The following FRYL variants were observed in gnomAD, a reference collection of about 807,000 sequenced individuals.
The protein encoded by FRYL is protein furry homolog-like.
In FRYL, 150 loss-of-function variants were observed where a neutral mutation model predicts 351.2. The observed-to-expected ratio is 0.43, with a 90% CI of 0.37 to 0.49. FRYL has a LOEUF of 0.49. Among genes scored for constraint, FRYL ranks in the 20% least tolerant of loss-of-function variants. The pLI is 0.00. For synonymous variants in FRYL, 1,153 were observed against 1,257.1 expected (o/e 0.92, Z 1.75); for missense variants, 3,036 against 3,619.3 (o/e 0.84, Z 4.13).
At chr4:48,779,422 G>A (rs1337834381) in intron 1 of FRYL, among the ~76,000 whole-genome samples, 1 of 152,086 alleles carries the variant, frequency 6.6e-6, no homozygotes, top group African/African-American at 2.4e-5. Context: ...CGGGCACAGC[G>A]CCCGCACCCC....
Position 48,615,890 on chromosome 4 carries a change from A to T in FRYL, c.411+3384T>A, listed in dbSNP as rs556200794. On this transcript the variant is annotated intron_variant, in intron 7 of 63. Transcript: ENST00000358350. ...CATGGAATACTCTGCAGCCATAAAA[A>T]AGGATGAGTTCATGTCCTTTGCAGG... 2.6e-5 allele frequency among the ~76,000 whole-genome samples: 4 copies of T among 152,346 alleles called. 1 individual carries two copies. In the South Asian group the frequency reaches 8.3e-4, roughly 32 times the overall value.
At chr4:48,668,900 CT>C (rs1481753899) in intron 3 of FRYL, among the ~76,000 whole-genome samples, 3 of 152,308 alleles carry the variant, frequency 2.0e-5, no homozygotes, top group African/African-American at 7.2e-5. Context: ...CTGAATATTG[CT>C]TCCTGAATTC....
chr4:48,515,288 CAT>C lies in FRYL; in HGVS notation c.7690-15_7690-14del, dbSNP rs768656763. ...CTGAAGTTGTATCCTACAAAACAAT[CAT>C]AGTTTTAGTGAACTATAAACACATA... On this transcript the variant is annotated splice_polypyrimidine_tract_variant and intron_variant, in intron 55 of 63. Coordinates refer to ENST00000358350, the MANE Select transcript of FRYL (RefSeq NM_015030.2). 2 of 1,583,124 alleles carry C rather than the reference CAT, an allele frequency of 1.3e-6. No individual in the cohort carries two copies. The highest frequency in any genetic ancestry group is 1.7e-6 in the Non-Finnish European group (2 of 1,161,142).
chr4:48,663,476 A>C (rs2149481226), intron 3 of FRYL, among the ~76,000 whole-genome samples: 1 of 152,034 alleles, frequency 6.6e-6, no homozygotes, highest in South Asian at 2.1e-4. Context: ...AAAAGGAAAC[A>C]AACAGCAAGA....
intron 49 of FRYL, among the ~76,000 whole-genome samples, chr4:48,533,150 T>C (rs1238319704): frequency 1.3e-5 from 2 of 152,138 alleles, no homozygotes; most frequent in Admixed American, 6.5e-5. Flanking sequence ...GTTATCTGCT[T>C]GTCCACTGGC....
chr4:48,506,880 C>T, intron 59 of FRYL, among the ~76,000 whole-genome samples: 1 of 151,824 alleles, frequency 6.6e-6, no homozygotes, highest in Non-Finnish European at 1.5e-5. Flanking sequence ...GGCCCTTAGG[C>T]TATTTGCTTG....
intron 1 of FRYL, among the ~76,000 whole-genome samples, chr4:48,725,786 G>C (rs7687827): frequency 0.16 from 24,373 of 152,046 alleles, 2,605 homozygotes; most frequent in Middle Eastern, 0.27. Context: ...CTGGCATATT[G>C]TTATAATTGT....
At chr4:48,675,702 A>C (rs1014262947) in intron 3 of FRYL, among the ~76,000 whole-genome samples, 6 of 152,142 alleles carry the variant, frequency 3.9e-5, no homozygotes, top group African/African-American at 1.4e-4. Flanking sequence ...AGTCCCATCG[A>C]CCACCCAAGG....
intron 59 of FRYL, among the ~76,000 whole-genome samples, chr4:48,509,542 T>C (rs1217959321): frequency 6.6e-6 from 1 of 152,316 alleles, no homozygotes; most frequent in South Asian, 2.1e-4. Context: ...CTTCTGTCCC[T>C]CCCAATTGAA....
At chr4:48,562,515 T>G (rs1245354122) in intron 32 of FRYL, among the ~76,000 whole-genome samples, 2 of 152,196 alleles carry the variant, frequency 1.3e-5, no homozygotes, top group African/African-American at 4.8e-5. Flanking sequence ...AAAATTTACA[T>G]GAGAATATGA....
intron 3 of FRYL, among the ~76,000 whole-genome samples, chr4:48,635,020 G>C (rs1753942410): frequency 6.6e-6 from 1 of 152,074 alleles, no homozygotes; most frequent in South Asian, 2.1e-4. Context: ...GCAAGACAAA[G>C]CACCAGGAAC....
At chr4:48,592,082 T>TAATATATATATATATATA (rs888017807) in intron 16 of FRYL, among the ~76,000 whole-genome samples, 7 of 116,176 alleles carry the variant, frequency 6.0e-5, no homozygotes, top group African/African-American at 2.7e-4. Context: ...AATAAAGCTC[T>TAATATATATATATATATA]TATATATATA....
chr4:48,507,844 T>TTATC (rs1362400000), intron 59 of FRYL, among the ~76,000 whole-genome samples: 2 of 152,254 alleles, frequency 1.3e-5, no homozygotes, highest in African/African-American at 4.8e-5. Context: ...TTCCTGTTTA[T>TTATC]TATCTGCAGG....
Position 48,521,206 on chromosome 4 carries a change from C to T in FRYL, c.7531G>A (p.Asp2511Asn). Reference protein sequence around the residue: ...ILSRTQMLNSDSATDETIPDH... With the variant: ...ILSRTQMLNSNSATDETIPDH... ...GGTATTGTTTCATCAGTGGCAGAAT[C>T]ACTGTTTAACTAAAAAGAGAAAGAG... Residue 2511 changes from aspartate to asparagine, a missense_variant, in exon 55 of 64, where the codon GAT (aspartate) becomes AAT (asparagine). Physicochemically the swap from Asp to Asn is conservative, Grantham distance 23 (BLOSUM62 1). Around this residue, in one of 7 missense-constraint regions of FRYL, gnomAD observed 1,987 missense variants for 2,311.7 expected, o/e 0.86. Transcript: ENST00000358350. The T allele has an allele frequency of 6.2e-7, 1 of 1,602,892 alleles. No homozygotes were observed. The highest frequency in any genetic ancestry group is 8.5e-7 in the Non-Finnish European group (1 of 1,174,074).
At chr4:48,657,361 T>TC (rs1012747206) in intron 3 of FRYL, among the ~76,000 whole-genome samples, 6 of 149,500 alleles carry the variant, frequency 4.0e-5, no homozygotes, top group African/African-American at 1.5e-4. Flanking sequence ...TTCTTTTTTT[T>TC]TTTTTTTTTT....
chr4:48,651,766 C>G (rs1477121424), intron 3 of FRYL, among the ~76,000 whole-genome samples: 1 of 152,118 alleles, frequency 6.6e-6, no homozygotes, highest in Non-Finnish European at 1.5e-5. Flanking sequence ...AATATTTTAA[C>G]CCCTCCCCCT....
chr4:48,564,242 C>A (rs200836870), intron 30 of FRYL, 140 bp from the exon 31 acceptor site: 1 of 967,282 alleles, frequency 1.0e-6, no homozygotes, highest in Non-Finnish European at 1.5e-6. Context: ...GTTCACCTCC[C>A]TCTCATTTTA....
intron 2 of FRYL, among the ~76,000 whole-genome samples, chr4:48,690,683 T>C (rs1404471316): frequency 6.6e-6 from 1 of 152,152 alleles, no homozygotes; most frequent in Non-Finnish European, 1.5e-5. Context: ...AGATGCAACA[T>C]CTAAAATGCT....
intron 1 of FRYL, among the ~76,000 whole-genome samples, chr4:48,774,988 G>C (rs949686812): frequency 3.3e-5 from 5 of 152,186 alleles, no homozygotes; most frequent in Admixed American, 3.3e-4. Context: ...TACCCATGTA[G>C]TCTCATAATG....
Sources: gnomAD v4.1 joint callset for allele counts (sites outside exome capture counted in the v4.1 genomes callset) on GRCh38, gnomAD v4.1.1 for gene constraint, gnomAD v4.1.1 regional missense constraint, MANE v1.5 for transcripts, NCBI Gene and HGNC (gene_info 2026-07-23, HGNC 2026-07-21) for gene names.